The following CLCN3 variants were observed in gnomAD, a reference collection of about 807,000 sequenced individuals.
The protein encoded by CLCN3 is H(+)/Cl(-) exchange transporter 3.
CLCN3 carries 16 observed loss-of-function variants against 83.4 expected under a neutral mutation model. That is an observed-to-expected ratio of 0.19 (90% CI 0.13 to 0.29). The LOEUF is 0.29. Ranked by LOEUF, CLCN3 falls within the 10% of genes least tolerant of loss-of-function variation. CLCN3 has a pLI of 1.00. For missense variants in CLCN3, 544 were observed against 1,006.0 expected (o/e 0.54, Z 6.21); for synonymous variants, 322 against 346.2 (o/e 0.93, Z 0.78).
At chr4:169,701,461 C>T (rs1001930995) in intron 9 of CLCN3, among the ~76,000 whole-genome samples, 3 of 152,144 alleles carry the variant, frequency 2.0e-5, no homozygotes, top group Non-Finnish European at 4.4e-5. Context: ...GACCTCCTCC[C>T]ATGAAACGTG....
intron 2 of CLCN3, among the ~76,000 whole-genome samples, chr4:169,638,416 G>C (rs1205997433): frequency 2.0e-5 from 3 of 151,988 alleles, no homozygotes; most frequent in Non-Finnish European, 4.4e-5. Flanking sequence ...TCAAGTTCTG[G>C]CTCCCTTGGA....
chr4:169,621,121 C>T (rs1773102005), intron 1 of CLCN3, 58 bp downstream of exon 1: 1 of 392,968 alleles, frequency 2.5e-6, no homozygotes, highest in Non-Finnish European at 4.5e-6. Context: ...GATTTTGGGT[C>T]AACTGTGAGG....
intron 9 of CLCN3, among the ~76,000 whole-genome samples, chr4:169,701,390 CAG>C (rs1264092050): frequency 1.3e-5 from 2 of 152,320 alleles, no homozygotes; most frequent in Admixed American, 1.3e-4. Context: ...TTGAACCCCT[CAG>C]AGTCATTCAT....
At chr4:169,709,334 A>G (rs941216254) in intron 11 of CLCN3, among the ~76,000 whole-genome samples, 2 of 151,942 alleles carry the variant, frequency 1.3e-5, no homozygotes, top group Non-Finnish European at 2.9e-5. Flanking sequence ...ATTAAATTCA[A>G]ATGAGATGTC....
chr4:169,704,545 A>G (rs993433729), intron 10 of CLCN3, among the ~76,000 whole-genome samples: 2 of 152,218 alleles, frequency 1.3e-5, no homozygotes, highest in East Asian at 3.8e-4. Flanking sequence ...ACTATAGCAT[A>G]ATACCTAAGA....
chr4:169,674,583 G>T (rs988774746), intron 2 of CLCN3, among the ~76,000 whole-genome samples: 3 of 152,164 alleles, frequency 2.0e-5, no homozygotes, highest in East Asian at 1.9e-4. Flanking sequence ...TTGAGCTTTT[G>T]AGTATGTGTT....
chr4:169,698,004 C>A (rs760397024), intron 9 of CLCN3, among the ~76,000 whole-genome samples: 1 of 152,192 alleles, frequency 6.6e-6, no homozygotes, highest in Non-Finnish European at 1.5e-5. Flanking sequence ...AAGGGCTCAA[C>A]TGGGCAATTT....
At chr4:169,649,087 A>G (rs181167048) in intron 2 of CLCN3, among the ~76,000 whole-genome samples, 9 of 151,982 alleles carry the variant, frequency 5.9e-5, no homozygotes, top group South Asian at 2.1e-4. Flanking sequence ...TTGAATATGT[A>G]TTATTTAAGA....
chr4:169,646,759 T>C (rs548825907), intron 2 of CLCN3, among the ~76,000 whole-genome samples: 37 of 152,196 alleles, frequency 2.4e-4, no homozygotes, highest in African/African-American at 8.9e-4. Flanking sequence ...CAGAAGGAAA[T>C]AGGGATAGAA....
At chr4:169,702,242 T>G (rs1425278741) in intron 9 of CLCN3, among the ~76,000 whole-genome samples, 1 of 152,206 alleles carries the variant, frequency 6.6e-6, no homozygotes, top group Non-Finnish European at 1.5e-5. Flanking sequence ...GGAGGATGCC[T>G]GTCCTGCCCT....
intron 3 of CLCN3, among the ~76,000 whole-genome samples, chr4:169,686,524 C>T (rs1249426496): frequency 6.6e-6 from 1 of 151,768 alleles, no homozygotes; most frequent in African/African-American, 2.4e-5. Flanking sequence ...TCAAGTGATT[C>T]TCCTGCCTCA....
At chr4:169,681,752 C>T (rs1296778617) in intron 3 of CLCN3, among the ~76,000 whole-genome samples, 1 of 152,144 alleles carries the variant, frequency 6.6e-6, no homozygotes, top group Non-Finnish European at 1.5e-5. Flanking sequence ...AAACCCATTA[C>T]ATGTTGACAT....
intron 4 of CLCN3, among the ~76,000 whole-genome samples, chr4:169,688,104 C>T (rs971200792): frequency 6.6e-6 from 1 of 152,140 alleles, no homozygotes; most frequent in African/African-American, 2.4e-5. Context: ...GTACACTGTT[C>T]TAAAAACTTG....
chr4:169,660,786 TC>T (rs1290708279), intron 2 of CLCN3, among the ~76,000 whole-genome samples: 8 of 152,346 alleles, frequency 5.3e-5, no homozygotes, highest in Admixed American at 5.2e-4. Flanking sequence ...ATGTTTTTCT[TC>T]CTTCAGAAAA....
intron 2 of CLCN3, among the ~76,000 whole-genome samples, chr4:169,670,721 A>G (rs1032761224): frequency 1.3e-5 from 2 of 152,166 alleles, no homozygotes; most frequent in African/African-American, 4.8e-5. Context: ...GGCCATTTTC[A>G]TGATATTGAT....
intron 7 of CLCN3, among the ~76,000 whole-genome samples, chr4:169,692,949 G>T (rs1404405634): frequency 2.0e-5 from 3 of 152,128 alleles, no homozygotes; most frequent in Non-Finnish European, 4.4e-5. Context: ...TTCCTCTGAT[G>T]TTTCCATATT....
intron 2 of CLCN3, among the ~76,000 whole-genome samples, chr4:169,638,158 T>G (rs992461764): frequency 1.7e-4 from 26 of 152,212 alleles, no homozygotes; most frequent in Admixed American, 1.0e-3. Flanking sequence ...CCTTGTTATA[T>G]GTTCTCTTAC....
chr4:169,704,865 G>A (rs146263862), intron 10 of CLCN3, among the ~76,000 whole-genome samples: 1 of 152,292 alleles, frequency 6.6e-6, no homozygotes, highest in Non-Finnish European at 1.5e-5. Flanking sequence ...TAAAAATTAT[G>A]TGATTATTGA....
chr4:169,704,413 T>C (rs1339772625), intron 10 of CLCN3, among the ~76,000 whole-genome samples: 3 of 152,236 alleles, frequency 2.0e-5, no homozygotes, highest in Non-Finnish European at 4.4e-5. Context: ...CATTAGCATA[T>C]TGTAATATAA....
Sources: gnomAD v4.1 joint callset for allele counts (sites outside exome capture counted in the v4.1 genomes callset) on GRCh38, gnomAD v4.1.1 for gene constraint, MANE v1.5 for transcripts, NCBI Gene and HGNC (gene_info 2026-07-23, HGNC 2026-07-21) for gene names.